TTLL11: variants seen among roughly 807,000 people sequenced by gnomAD.
TTLL11 encodes the protein tubulin tyrosine ligase like 11.
A neutral mutation model predicts 51.7 loss-of-function variants in TTLL11; 42 were observed. The observed-to-expected ratio is 0.81, with a 90% confidence interval of 0.64 to 1.05. The LOEUF is 1.05. Ranked by LOEUF, TTLL11 falls within the 50% of genes least tolerant of loss-of-function variation. The pLI, the probability that TTLL11 is intolerant of heterozygous loss-of-function variation, is 0.00. For missense variants in TTLL11, 799 were observed against 940.4 expected (o/e 0.85, Z 1.97); for synonymous variants, 381 against 383.5 (o/e 0.99, Z 0.08).
intron 8 of TTLL11, among the ~76,000 whole-genome samples, chr9:121,834,590 AG>A (rs2119130715): frequency 6.6e-6 from 1 of 150,822 alleles, no homozygotes; most frequent in East Asian, 2.0e-4. Context: ...GCACTTTGGG[AG>A]GCCAAAGCAG....
At chr9:121,844,968 G>A (rs1341729062) in intron 8 of TTLL11, among the ~76,000 whole-genome samples, 1 of 152,080 alleles carries the variant, frequency 6.6e-6, no homozygotes, top group Non-Finnish European at 1.5e-5. Context: ...TAATATTTGA[G>A]AATTTTCCAA....
At chr9:121,895,978 C>G (rs200690346) in intron 6 of TTLL11, among the ~76,000 whole-genome samples, 94 of 9,068 alleles carry the variant, frequency 0.01, no homozygotes, top group Non-Finnish European at 0.02. Context: ...GGGTGTGTGT[C>G]TGTGGTGGGT....
Position 121,866,257 on chromosome 9 carries a change from G to A in TTLL11, c.1733+4240C>T, listed in dbSNP as rs568894044. ...AAGGGTTGTTAGCAAGAGAAAATGC[G>A]TGCTGTTAAATTTAGCCGGCAAGAC... On this transcript the variant is annotated intron_variant, in intron 7 of 8. Transcript: ENST00000321582. 1.6e-4 allele frequency among the ~76,000 whole-genome samples: 25 copies of A among 152,290 alleles called. 1 individual carries two copies. The South Asian group carries it at 4.6e-3, about 28-fold the overall frequency.
chr9:122,047,388 T>C (rs982253422), intron 1 of TTLL11, among the ~76,000 whole-genome samples: 1 of 152,118 alleles, frequency 6.6e-6, no homozygotes, highest in Admixed American at 6.5e-5. Flanking sequence ...GGACTGTCAT[T>C]GGCTCAAGGC....
intron 1 of TTLL11, among the ~76,000 whole-genome samples, chr9:122,082,546 C>A (rs1325860231): frequency 6.7e-6 from 1 of 149,828 alleles, no homozygotes; most frequent in Non-Finnish European, 1.5e-5. Flanking sequence ...ATGTTTATTG[C>A]CCCACTCTTT....
At chr9:121,873,927 C>G (rs761377847) in intron 6 of TTLL11, among the ~76,000 whole-genome samples, 1 of 148,984 alleles carries the variant, frequency 6.7e-6, no homozygotes, top group Non-Finnish European at 1.5e-5. Context: ...CCACTGCAAC[C>G]TCTGCCTCCT....
chr9:121,942,738 A>ATTTTTTTTTTTTTT (rs34352222), intron 6 of TTLL11, among the ~76,000 whole-genome samples: 1 of 97,904 alleles, frequency 1.0e-5, no homozygotes, highest in Non-Finnish European at 2.1e-5. Flanking sequence ...AATCTGTCTT[A>ATTTTTTTTTTTTTT]TTTTTTTTTT....
intron 6 of TTLL11, among the ~76,000 whole-genome samples, chr9:121,966,038 G>T (rs1320174035): frequency 6.6e-6 from 1 of 152,200 alleles, no homozygotes; most frequent in Non-Finnish European, 1.5e-5. Flanking sequence ...CAAGAGATGT[G>T]CTTGGAGACA....
chr9:121,937,122 T>C (rs1299128429), intron 6 of TTLL11, among the ~76,000 whole-genome samples: 1 of 152,226 alleles, frequency 6.6e-6, no homozygotes, highest in African/African-American at 2.4e-5. Flanking sequence ...AACATTTTAC[T>C]AAATTTTCCC....
At chr9:122,084,342 T>C (rs1318117861) in intron 1 of TTLL11, among the ~76,000 whole-genome samples, 1 of 151,986 alleles carries the variant, frequency 6.6e-6, no homozygotes, top group Non-Finnish European at 1.5e-5. Context: ...TTTATAAAAA[T>C]TACTAGATAA....
chr9:122,007,897 A>G lies in TTLL11; in HGVS notation c.694-18127T>C, dbSNP rs565256946. Among the ~76,000 whole-genome samples, 3 of 152,350 alleles carry G rather than the reference A, an allele frequency of 2.0e-5. No homozygotes were observed. In the East Asian group the frequency reaches 5.8e-4, roughly 29 times the overall value. On this transcript the variant is annotated intron_variant, in intron 3 of 8. Coordinates refer to ENST00000321582, the MANE Select transcript of TTLL11 (RefSeq NM_001139442.2). ...GAAAGGGGAAAATAGCAACTTTTCC[A>G]TGAAAATCTGGCAGACACCACCTTA...
chr9:121,897,641 C>CACACACACACACACACACACACACGCGT, intron 6 of TTLL11, among the ~76,000 whole-genome samples: 1 of 53,598 alleles, frequency 1.9e-5, no homozygotes, highest in Non-Finnish European at 4.4e-5. Flanking sequence ...CACACACACA[C>CACACACACACACACACACACACACGCGT]GCGCGCGCGA....
chr9:121,864,080 C>G (rs1838103943), intron 7 of TTLL11, among the ~76,000 whole-genome samples: 1 of 152,198 alleles, frequency 6.6e-6, no homozygotes, highest in African/African-American at 2.4e-5. Flanking sequence ...ACCAAACATT[C>G]TCAATAAACT....
intron 3 of TTLL11, among the ~76,000 whole-genome samples, chr9:121,994,184 G>T (rs538902364): frequency 6.6e-6 from 1 of 152,202 alleles, no homozygotes; most frequent in African/African-American, 2.4e-5. Flanking sequence ...AGACAGAGCA[G>T]TGGGGCAGAA....
rs114850511 is a variant in TTLL11, at chr9:122,060,406, G to A, written c.463-21038C>T. Among the ~76,000 whole-genome samples the A allele has an allele frequency of 4.7e-3, 711 of 152,310 alleles. 5 individuals are homozygous for A. Among genetic ancestry groups the A allele is most frequent in the African/African-American group, 0.016 (677 of 41,558 alleles). ...TCTAGGAGAAAAGGTTAGCTTCACT[G>A]CTCAGAAGAGGAATATAAGGGTTAG... On this transcript the variant is annotated intron_variant, in intron 1 of 8. Transcript: ENST00000321582.
intron 6 of TTLL11, among the ~76,000 whole-genome samples, chr9:121,907,858 T>C (rs1839995799): frequency 6.6e-6 from 1 of 152,218 alleles, no homozygotes; most frequent in Non-Finnish European, 1.5e-5. Context: ...TAGCTAAGGC[T>C]TAAGGATAAA....
At chr9:122,044,033 G>A (rs959286313) in intron 1 of TTLL11, among the ~76,000 whole-genome samples, 2 of 151,852 alleles carry the variant, frequency 1.3e-5, no homozygotes, top group Non-Finnish European at 2.9e-5. Flanking sequence ...AACAGTCCCC[G>A]GTGTGTGATG....
intron 1 of TTLL11, among the ~76,000 whole-genome samples, chr9:122,045,643 A>T (rs1294297001): frequency 6.6e-6 from 1 of 152,212 alleles, no homozygotes; most frequent in Non-Finnish European, 1.5e-5. Flanking sequence ...AAATGTAGAA[A>T]AAGCCCAGGT....
intron 1 of TTLL11, among the ~76,000 whole-genome samples, chr9:122,082,093 C>T (rs1196367715): frequency 2.0e-5 from 3 of 152,214 alleles, no homozygotes; most frequent in African/African-American, 7.2e-5. Context: ...CAGGCAGTCT[C>T]AAACCCTGCT....
Sources: allele counts gnomAD v4.1 joint callset (sites outside exome capture counted in the v4.1 genomes callset), GRCh38; gene constraint gnomAD v4.1.1; transcripts MANE v1.5; gene names NCBI Gene and HGNC (gene_info 2026-07-23, HGNC 2026-07-21).